PIKFYVE: variants seen among roughly 807,000 people sequenced by gnomAD.
PIKFYVE encodes the protein phosphoinositide kinase, FYVE-type zinc finger containing.
PIKFYVE carries 122 observed loss-of-function variants against 257.9 expected under a neutral mutation model. That is an observed-to-expected ratio of 0.47 (90% CI 0.41 to 0.55). PIKFYVE has a LOEUF of 0.55. Among genes scored for constraint, PIKFYVE ranks in the 20% least tolerant of loss-of-function variants. The probability of loss-of-function intolerance (pLI) is 0.00; values close to 1 mark genes in which losing one functional copy is unlikely to be tolerated. For synonymous variants in PIKFYVE, 892 were observed against 868.9 expected (o/e 1.03, Z -0.47); for missense variants, 2,160 against 2,536.6 (o/e 0.85, Z 3.19).
chr2:208,315,278 G>T lies in PIKFYVE; in HGVS notation c.1912G>T (p.Val638Leu), dbSNP rs1285724726. 6.2e-7 allele frequency: 1 copy of T among 1,613,998 alleles called. No homozygotes were observed. The highest frequency in any genetic ancestry group is 8.5e-7 in the Non-Finnish European group (1 of 1,180,006). Residue 638 changes from valine (V) to leucine (L), a missense_variant, in exon 15 of 42, where the codon GTG becomes TTG. Transcript: ENST00000264380. ...GTCATCATCTTGGAGGGACATCATC[G>T]TGTCATTGGTCTGCCAGGTTGTTCA... ...SLSSSWRDII[V>L]SLVCQVVQTV...
intron 5 of PIKFYVE, among the ~76,000 whole-genome samples, chr2:208,284,712 A>G (rs956347932): frequency 6.6e-6 from 1 of 152,018 alleles, no homozygotes; most frequent in Admixed American, 6.5e-5. Flanking sequence ...TTTCCTCCTT[A>G]ATTAATTTGC....
Position 208,352,820 on chromosome 2 carries a change from G to C in PIKFYVE, c.5844+38G>C, listed in dbSNP as rs189356233. On this transcript the variant is annotated intron_variant, in intron 39 of 41. Coordinates refer to ENST00000264380, the MANE Select transcript of PIKFYVE (RefSeq NM_015040.4). ...GACTATGTGAAGCATTTAGCTACTGGAACCTTTTGTACCTTTGGTTCTTAA... is the reference window on the plus strand; with the variant it reads ...GACTATGTGAAGCATTTAGCTACTGCAACCTTTTGTACCTTTGGTTCTTAA... 1.4e-4 allele frequency: 230 copies of C among 1,605,108 alleles called. 1 individual carries two copies. In the East Asian group the frequency reaches 3.7e-3, roughly 26 times the overall value.
chr2:208,293,173 G>T (rs1692532820), intron 7 of PIKFYVE, among the ~76,000 whole-genome samples: 1 of 150,132 alleles, frequency 6.7e-6, no homozygotes, highest in African/African-American at 2.5e-5. Context: ...CTACTTCACA[G>T]GTAATGCAAA....
intron 33 of PIKFYVE, among the ~76,000 whole-genome samples, chr2:208,345,696 A>G (rs549459886): frequency 6.6e-6 from 1 of 152,162 alleles, no homozygotes. Flanking sequence ...CTAACATTAT[A>G]GTTTTATCTG....
rs368039025 is a variant in PIKFYVE at position 208,271,507 on chromosome 2, T to G, written c.-9-4T>G. On this transcript the variant is annotated splice_polypyrimidine_tract_variant and splice_region_variant and intron_variant, in intron 1 of 41. Coordinates refer to ENST00000264380, the MANE Select transcript of PIKFYVE (RefSeq NM_015040.4). ...GATTTTTGCTTGTTTCTTTTGTTTT[T>G]CAGACTCATGAAATGGCCACAGATG... is the stretch of plus-strand genomic sequence containing the variant. 5.6e-6 allele frequency: 9 copies of G among 1,613,998 alleles called. No individual in the cohort carries two copies. The African/African-American group carries it at 9.3e-5, about 17-fold the overall frequency.
intron 4 of PIKFYVE, 73 bp from the exon 5 acceptor site, chr2:208,277,464 G>C: frequency 6.6e-7 from 1 of 1,510,370 alleles, no homozygotes; most frequent in African/African-American, 1.4e-5. Context: ...AGAAACCTTT[G>C]AGGATTTCAT....
chr2:208,286,000 G>A (rs1691524358), intron 6 of PIKFYVE, 67 bp downstream of exon 6: 3 of 1,462,338 alleles, frequency 2.1e-6, no homozygotes, highest in Admixed American at 3.4e-5. Flanking sequence ...ACCTTTGAGT[G>A]CTTTCAGTTA....
Position 208,354,465 on chromosome 2 carries a change from TA to T in PIKFYVE, c.6107-102del, listed in dbSNP as rs532084671. 171 of 1,100,290 alleles carry T rather than the reference TA, an allele frequency of 1.6e-4. No individual in the cohort carries two copies. In the African/African-American group the frequency reaches 2.3e-3, roughly 15 times the overall value. 68.2% of individuals were successfully genotyped at this position (1,100,290 alleles called of 1,614,324 possible). ...CACTTGGCACATTGTTAGCACTCAA[TA>T]AAAGTTAACTGTCATAGAAGTAGTA... On this transcript the variant is annotated intron_variant, in intron 40 of 41. Transcript: ENST00000264380.
At chr2:208,317,784 T>A (rs994254568) in intron 15 of PIKFYVE, 83 bp from the exon 16 acceptor site, 2 of 1,309,484 alleles carry the variant, frequency 1.5e-6, no homozygotes, top group Non-Finnish European at 1.1e-6. Context: ...TTAAAAAAAA[T>A]GGAAAGAAAT....
At chr2:208,268,420 G>T (rs1688952828) in intron 1 of PIKFYVE, among the ~76,000 whole-genome samples, 1 of 132,170 alleles carries the variant, frequency 7.6e-6, no homozygotes. Context: ...TCTCTCCAGA[G>T]CTCTTTTTTT....
rs1469116624 is a variant in PIKFYVE, at chr2:208,342,548, G to A, written c.4932-6G>A. On this transcript the variant is annotated splice_polypyrimidine_tract_variant and splice_region_variant and intron_variant, in intron 31 of 41. Transcript: ENST00000264380. ...GTTAACTTATGTATTTTAAAAATTTGCATAGTGATCCAGATAAACACTACT... is the reference window on the plus strand; with the variant it reads ...GTTAACTTATGTATTTTAAAAATTTACATAGTGATCCAGATAAACACTACT... The A allele has an allele frequency of 6.2e-7, 1 of 1,609,392 alleles. No individual in the cohort carries two copies. The highest frequency in any genetic ancestry group is 2.2e-5 in the East Asian group (1 of 44,800).
At chr2:208,338,644 T>C in intron 29 of PIKFYVE, 76 bp downstream of exon 29, 1 of 1,438,654 alleles carries the variant, frequency 7.0e-7, no homozygotes. Flanking sequence ...TTTTAAACTG[T>C]TTGAGCAGTT....
intron 1 of PIKFYVE, among the ~76,000 whole-genome samples, chr2:208,267,064 A>G (rs1031190225): frequency 3.3e-5 from 5 of 152,244 alleles, no homozygotes; most frequent in Admixed American, 2.6e-4. Flanking sequence ...TAAGACAGTC[A>G]AGAAATATAA....
At position 208,304,896 on chromosome 2, in the gene PIKFYVE, GTGGACAGT is replaced by G; in HGVS notation, c.1520_1527del (p.Val507GlyfsTer34). 1 of 1,614,134 alleles carries G rather than the reference GTGGACAGT, an allele frequency of 6.2e-7. No homozygotes were observed. The highest frequency in any genetic ancestry group is 8.5e-7 in the Non-Finnish European group (1 of 1,180,028). On this transcript the variant is annotated frameshift_variant, in exon 12 of 42. Coordinates refer to ENST00000264380, the MANE Select transcript of PIKFYVE (RefSeq NM_015040.4). LOFTEE classifies it high-confidence loss of function. ...ATCAGTCAGCAGTTTCCAGTCCACA[GTGGACAGT>G]GACTCAGCCGCTTCTATCAGCCTGA...
intron 35 of PIKFYVE, among the ~76,000 whole-genome samples, chr2:208,348,602 G>C (rs1423565094): frequency 7.2e-6 from 1 of 138,604 alleles, no homozygotes; most frequent in Non-Finnish European, 1.6e-5. Context: ...AAAAAAAAGT[G>C]TGTGTGTGTG....
At position 208,285,949 on chromosome 2, in the gene PIKFYVE, T is replaced by C. The variant is rs773207901; in HGVS notation, c.821+16T>C. On this transcript the variant is annotated intron_variant, in intron 6 of 41. Transcript: ENST00000264380. The stretch of plus-strand genomic sequence containing the variant: ...CCTGGCAAAGGTATTGTCCCTTAAA[T>C]ATAATTTTATTTAGAGTTGAAAAAT... The C allele has an allele frequency of 1.3e-5, 21 of 1,607,932 alleles. No homozygotes were observed. Among genetic ancestry groups the C allele is most frequent in the Non-Finnish European group, 1.8e-5 (21 of 1,174,780 alleles).
chr2:208,324,052 CT>C (rs1696626411), intron 17 of PIKFYVE, 89 bp from the exon 18 acceptor site: 1 of 1,419,244 alleles, frequency 7.0e-7, no homozygotes, highest in Admixed American at 1.7e-5. Flanking sequence ...TTCTCCCATT[CT>C]GTAGGTTGCC....
chr2:208,284,577 A>G (rs1691297789), intron 5 of PIKFYVE, among the ~76,000 whole-genome samples: 1 of 150,668 alleles, frequency 6.6e-6, no homozygotes, highest in Non-Finnish European at 1.5e-5. Context: ...TTTTTTTATA[A>G]TAATTCTTTT....
At chr2:208,334,217 T>C (rs539578623) in intron 24 of PIKFYVE, among the ~76,000 whole-genome samples, 4 of 152,352 alleles carry the variant, frequency 2.6e-5, no homozygotes, top group Admixed American at 2.6e-4. Context: ...ACCTGGATTA[T>C]TGTAGTAGCC....
Sources: allele counts gnomAD v4.1 joint callset (sites outside exome capture counted in the v4.1 genomes callset), GRCh38; gene constraint gnomAD v4.1.1; transcripts MANE v1.5; gene names NCBI Gene and HGNC (gene_info 2026-07-23, HGNC 2026-07-21).